Variants in ACYP2 observed in about 807,000 individuals in gnomAD.
ACYP2 encodes acylphosphatase-2.
A neutral mutation model predicts 11.2 loss-of-function variants in ACYP2; 12 were observed. The observed-to-expected ratio is 1.08, with a 90% CI of 0.69 to 1.74. The LOEUF (loss-of-function observed/expected upper bound fraction) is 1.74, where lower values mean the gene tolerates loss of function less well. Among genes scored for constraint, ACYP2 ranks in the 40% most tolerant of loss-of-function variants. ACYP2 has a pLI of 0.00. For missense variants in ACYP2, 134 were observed against 101.9 expected (o/e 1.31, Z -1.35); for synonymous variants, 43 against 32.2 (o/e 1.33, Z -1.13).
At chr2:54,222,549 CA>C (rs10607204) in intron 6 of ACYP2, among the ~76,000 whole-genome samples, 61,140 of 106,700 alleles carry the variant, frequency 0.57, 14,316 homozygotes, top group East Asian at 0.88. Context: ...GACTCTGTCT[CA>C]AAAAAAAAAA....
chr2:54,220,511 A>G (rs1222322842), intron 6 of ACYP2, among the ~76,000 whole-genome samples: 1 of 152,192 alleles, frequency 6.6e-6, no homozygotes, highest in Non-Finnish European at 1.5e-5. Flanking sequence ...CATTTCCCAG[A>G]TACAATTATG....
At chr2:54,085,431 A>G (rs143930172) in intron 4 of ACYP2, among the ~76,000 whole-genome samples, 381 of 152,314 alleles carry the variant, frequency 2.5e-3, no homozygotes, top group Non-Finnish European at 4.7e-3. Context: ...GCAAATCATT[A>G]TCTTACTAGT....
At chr2:53,990,835 C>T (rs932072511) in intron 2 of ACYP2, among the ~76,000 whole-genome samples, 128 of 151,230 alleles carry the variant, frequency 8.5e-4, no homozygotes, top group Non-Finnish European at 8.1e-4. Flanking sequence ...CTCGCTCTGT[C>T]GCCCAGGCTG....
chr2:54,154,948 T>G (rs556930395), intron 6 of ACYP2, among the ~76,000 whole-genome samples: 5 of 152,236 alleles, frequency 3.3e-5, no homozygotes, highest in Non-Finnish European at 7.3e-5. Context: ...CTTTTTGAAT[T>G]ACCAATTCAA....
intron 2 of ACYP2, among the ~76,000 whole-genome samples, chr2:53,989,494 T>C (rs1038842429): frequency 6.6e-6 from 1 of 152,204 alleles, no homozygotes; most frequent in African/African-American, 2.4e-5. Flanking sequence ...TTTAGGGTAC[T>C]TATCATAATG....
At chr2:53,991,501 G>T (rs1458506561) in intron 2 of ACYP2, among the ~76,000 whole-genome samples, 4 of 151,750 alleles carry the variant, frequency 2.6e-5, no homozygotes, top group African/African-American at 4.8e-5. Flanking sequence ...TGCCTCCTAG[G>T]TTCAAGTGAT....
At chr2:54,206,527 T>G (rs1685075510) in intron 6 of ACYP2, among the ~76,000 whole-genome samples, 1 of 152,230 alleles carries the variant, frequency 6.6e-6, no homozygotes, top group South Asian at 2.1e-4. Flanking sequence ...CTCTATTGTG[T>G]TTGATTCAGA....
intron 6 of ACYP2, among the ~76,000 whole-genome samples, chr2:54,303,136 G>C (rs1359273409): frequency 6.6e-6 from 1 of 152,184 alleles, no homozygotes; most frequent in Non-Finnish European, 1.5e-5. Flanking sequence ...AGGGAGGATT[G>C]CTTGAGGCCA....
At position 54,255,240 on chromosome 2, in the gene ACYP2, G is replaced by T. The variant is rs372726545; in HGVS notation, c.405-49448G>T. ...ACACCTTTACAATCAGCTTGTTTCT[G>T]AAGTAAGGGTTTCTTTGAAAGAAGA... is the stretch of plus-strand genomic sequence containing the variant. On this transcript the variant is annotated intron_variant, in intron 6 of 6. Transcript: ENST00000607452. The T allele has an allele frequency of 1.9e-6, 3 of 1,614,064 alleles. No individual in the cohort carries two copies. In the East Asian group the frequency reaches 6.7e-5, roughly 36 times the overall value.
intron 6 of ACYP2, among the ~76,000 whole-genome samples, chr2:54,237,902 G>T (rs1029257091): frequency 6.6e-6 from 1 of 151,934 alleles, no homozygotes; most frequent in Non-Finnish European, 1.5e-5. Context: ...GCATGAATGG[G>T]CCCCGGCAAC....
rs1558655743 is a variant in ACYP2, at chr2:54,266,572, ATATAGATATC to A, written c.405-38112_405-38103del. Among the ~76,000 whole-genome samples, 557 of 140,540 alleles carry A rather than the reference ATATAGATATC, an allele frequency of 4.0e-3. 11 individuals carry two copies. Among genetic ancestry groups the A allele is most frequent in the African/African-American group, 0.014 (534 of 37,676 alleles). 92.2% of individuals were successfully genotyped at this position (140,540 alleles called of 152,430 possible). A position where few individuals can be genotyped will look rare whatever the true frequency, so the allele number is the denominator to read the frequency against. On this transcript the variant is annotated intron_variant, in intron 6 of 6. Transcript: ENST00000607452. ...TAGATAAAGATAGATAGATAGATAG[ATATAGATATC>A]TATCTATCTTTTTTTTTTTTTTTTT... is the stretch of plus-strand genomic sequence containing the variant.
At chr2:54,097,703 G>A (rs1006960246) in intron 4 of ACYP2, among the ~76,000 whole-genome samples, 5 of 151,826 alleles carry the variant, frequency 3.3e-5, no homozygotes, top group African/African-American at 4.8e-5. Context: ...GGAGGAAGGG[G>A]TGGTTTTGGA....
chr2:54,014,065 G>A (rs1361239328), intron 2 of ACYP2, among the ~76,000 whole-genome samples: 1 of 152,056 alleles, frequency 6.6e-6, no homozygotes, highest in Non-Finnish European at 1.5e-5. Flanking sequence ...GGCTGAGGCA[G>A]GGGAATCGCT....
intron 2 of ACYP2, among the ~76,000 whole-genome samples, chr2:54,017,014 C>G (rs540734457): frequency 6.7e-6 from 1 of 148,578 alleles, no homozygotes; most frequent in Non-Finnish European, 1.5e-5. Flanking sequence ...CGTGAGCCTC[C>G]GCGCCCGGCC....
chr2:54,170,579 TTA>T (rs200154544), intron 6 of ACYP2, among the ~76,000 whole-genome samples: 32,641 of 119,758 alleles, frequency 0.27, 3,970 homozygotes, highest in South Asian at 0.42. Context: ...TTTTTTTTTT[TTA>T]AAATCACAGA....
At chr2:54,163,222 A>C (rs749468631) in intron 6 of ACYP2, among the ~76,000 whole-genome samples, 1 of 152,214 alleles carries the variant, frequency 6.6e-6, no homozygotes, top group Non-Finnish European at 1.5e-5. Flanking sequence ...CCATGCCTGC[A>C]TGTGAGTTAT....
chr2:54,125,986 C>T (rs566038738), intron 4 of ACYP2, among the ~76,000 whole-genome samples: 3 of 151,932 alleles, frequency 2.0e-5, no homozygotes, highest in East Asian at 3.9e-4. Context: ...GAGGTTGAGG[C>T]GGAAGAATTG....
rs889986703 is a variant in ACYP2, at chr2:54,179,386, C to T, written c.404+40638C>T. On this transcript the variant is annotated intron_variant, in intron 6 of 6. Coordinates refer to ENST00000607452, the MANE Select transcript of ACYP2 (RefSeq NM_001320586.2). The stretch of plus-strand genomic sequence containing the variant: ...CATCAGATCGTTACCGGAAAGGGGT[C>T]CTGATCCAGACCCTAAGAGAGGGTT... 4.6e-5 allele frequency among the ~76,000 whole-genome samples: 7 copies of T among 152,160 alleles called. No individual in the cohort carries two copies. The East Asian group carries it at 1.4e-3, about 29-fold the overall frequency.
chr2:54,052,308 C>T (rs1473977624), intron 3 of ACYP2, among the ~76,000 whole-genome samples: 3 of 151,994 alleles, frequency 2.0e-5, no homozygotes, highest in African/African-American at 7.3e-5. Flanking sequence ...ATGGTAAACA[C>T]ACTACTGAAC....
Sources: gnomAD v4.1 joint callset for allele counts (sites outside exome capture counted in the v4.1 genomes callset) on GRCh38, gnomAD v4.1.1 for gene constraint, MANE v1.5 for transcripts, NCBI Gene and HGNC (gene_info 2026-07-23, HGNC 2026-07-21) for gene names.